The following PPP1R16B variants were observed in gnomAD, a reference collection of about 807,000 sequenced individuals.
The protein encoded by PPP1R16B is protein phosphatase 1 regulatory subunit 16B, also known as protein phosphatase 1 regulatory inhibitor subunit 16B.
PPP1R16B carries 14 observed loss-of-function variants against 61.7 expected under a neutral mutation model. The observed-to-expected ratio is 0.23, with a 90% confidence interval of 0.15 to 0.35. The LOEUF is 0.35. Among genes scored for constraint, PPP1R16B ranks in the 10% least tolerant of loss-of-function variants. The pLI is 1.00. For synonymous variants in PPP1R16B, 266 were observed against 305.3 expected (o/e 0.87, Z 1.34); for missense variants, 547 against 752.5 (o/e 0.73, Z 3.19).
At chr20:38,916,183 T>C (rs998365002) in intron 10 of PPP1R16B, among the ~76,000 whole-genome samples, 2 of 150,504 alleles carry the variant, frequency 1.3e-5, no homozygotes, top group South Asian at 4.2e-4. Context: ...CTGTGCAACA[T>C]AGTGAGGCCC....
intron 2 of PPP1R16B, among the ~76,000 whole-genome samples, chr20:38,885,036 C>CAAAAAAAAAAA (rs71330453): frequency 1.5e-5 from 1 of 67,820 alleles, no homozygotes; most frequent in Non-Finnish European, 2.6e-5. Flanking sequence ...AACTCTGTCT[C>CAAAAAAAAAAA]AAAAAAAAAA....
At chr20:38,898,440 T>G (rs1218365202) in intron 4 of PPP1R16B, among the ~76,000 whole-genome samples, 1 of 152,210 alleles carries the variant, frequency 6.6e-6, no homozygotes. Flanking sequence ...TTTGTTCTTC[T>G]TTTTCAGGGT....
At chr20:38,892,385 T>C (rs2085298990) in intron 3 of PPP1R16B, among the ~76,000 whole-genome samples, 2 of 152,134 alleles carry the variant, frequency 1.3e-5, no homozygotes, top group South Asian at 4.1e-4. Context: ...TTTAGCTGCA[T>C]GAAGCTCCTG....
chr20:38,902,651 C>T lies in PPP1R16B; in HGVS notation c.572-17C>T, dbSNP rs1568682252. The T allele has an allele frequency of 3.1e-6, 5 of 1,613,980 alleles. No individual in the cohort carries two copies. The South Asian group carries it at 5.5e-5, about 18-fold the overall frequency. On this transcript the variant is annotated splice_polypyrimidine_tract_variant and intron_variant, in intron 5 of 10. Transcript: ENST00000299824. ...AGGCCTGAGGGTGCTAAATAAATCC[C>T]CTCTTTCCCACTGCAGGCATCACCC...
intron 2 of PPP1R16B, among the ~76,000 whole-genome samples, chr20:38,867,914 C>A (rs965064537): frequency 6.6e-6 from 1 of 152,214 alleles, no homozygotes; most frequent in Non-Finnish European, 1.5e-5. Context: ...CTCAGGTGAT[C>A]CGCCCATCTT....
chr20:38,816,119 G>A (rs559638152), intron 1 of PPP1R16B, among the ~76,000 whole-genome samples: 39 of 152,290 alleles, frequency 2.6e-4, no homozygotes, highest in Admixed American at 1.4e-3. Context: ...TATCCTTAGT[G>A]GGGGCAGCAG....
At chr20:38,812,574 G>A (rs561581420) in intron 1 of PPP1R16B, among the ~76,000 whole-genome samples, 20 of 152,298 alleles carry the variant, frequency 1.3e-4, no homozygotes, top group Non-Finnish European at 2.1e-4. Flanking sequence ...AATTCTGTAC[G>A]AAAGAGGAGG....
chr20:38,890,596 A>T (rs184129991), intron 3 of PPP1R16B, among the ~76,000 whole-genome samples: 9 of 152,314 alleles, frequency 5.9e-5, no homozygotes, highest in African/African-American at 2.2e-4. Context: ...TTAGCCATTG[A>T]TGTCATCACT....
At chr20:38,850,835 G>A (rs1371200481) in intron 2 of PPP1R16B, among the ~76,000 whole-genome samples, 1 of 151,950 alleles carries the variant, frequency 6.6e-6, no homozygotes, top group Non-Finnish European at 1.5e-5. Flanking sequence ...AGGTGTGGTG[G>A]TGGGCACCTG....
In PPP1R16B at chr20:38,918,592, C is replaced by A. The variant is rs1161293308; in HGVS notation, c.1630C>A (p.Pro544Thr). 1.3e-6 allele frequency: 2 copies of A among 1,530,656 alleles called. No homozygotes were observed. The highest frequency in any genetic ancestry group is 1.3e-5 in the South Asian group (1 of 76,818). The allele number at this position is 1,530,656 out of a possible 1,614,324, so 94.8% of individuals were successfully genotyped here. A position where few individuals can be genotyped will look rare whatever the true frequency, so the allele number is the denominator to read the frequency against. ...ATATTACACGGTCACCAGCGGAGAT[C>A]CCCCACTCTTAAAGTTCAAGGCCCC... The part of the protein sequence containing the change: ...SVYYTVTSGD[P>T]PLLKFKAPIE... The change falls in exon 11 of 11, where the codon CCC (proline) becomes ACC (threonine). Residue 544 changes from proline to threonine, a missense_variant. Coordinates refer to ENST00000299824, the MANE Select transcript of PPP1R16B (RefSeq NM_015568.4). This position sits in a 1 kb window ranked among gnomAD's most constrained non-coding sequence, Gnocchi z 5.3.
chr20:38,816,849 G>T (rs2084738795), intron 1 of PPP1R16B, among the ~76,000 whole-genome samples: 1 of 152,194 alleles, frequency 6.6e-6, no homozygotes, highest in Non-Finnish European at 1.5e-5. Flanking sequence ...AAGGGCAGGG[G>T]CCAGGCGAGG....
chr20:38,836,596 G>C (rs1246556549), intron 2 of PPP1R16B, among the ~76,000 whole-genome samples: 1 of 152,192 alleles, frequency 6.6e-6, no homozygotes, highest in Non-Finnish European at 1.5e-5. Flanking sequence ...GAGCTCAAGT[G>C]ATCTGCCCGC....
intron 1 of PPP1R16B, among the ~76,000 whole-genome samples, chr20:38,823,840 A>T (rs2084787679): frequency 6.6e-6 from 1 of 151,932 alleles, no homozygotes; most frequent in Admixed American, 6.6e-5. Flanking sequence ...AGATATCCTT[A>T]CTCTGCATAG....
intron 2 of PPP1R16B, among the ~76,000 whole-genome samples, chr20:38,879,092 G>A (rs549925612): frequency 2.6e-5 from 4 of 152,320 alleles, no homozygotes; most frequent in African/African-American, 9.6e-5. Flanking sequence ...GTAAGGAGAG[G>A]TGCTGGGAGA....
intron 1 of PPP1R16B, among the ~76,000 whole-genome samples, chr20:38,809,204 T>A (rs1316592047): frequency 6.7e-6 from 1 of 149,516 alleles, no homozygotes; most frequent in African/African-American, 2.5e-5. Context: ...CTCTTCTGCC[T>A]GTAGCCATCA....
chr20:38,875,114 G>A (rs565554872), intron 2 of PPP1R16B, among the ~76,000 whole-genome samples: 1 of 152,114 alleles, frequency 6.6e-6, no homozygotes. Context: ...TCTATTGCTG[G>A]GAGCATCAGC....
chr20:38,871,247 A>G (rs1488444600), intron 2 of PPP1R16B, among the ~76,000 whole-genome samples: 1 of 152,162 alleles, frequency 6.6e-6, no homozygotes, highest in African/African-American at 2.4e-5. Flanking sequence ...CCCGTATGCA[A>G]GAAGAAAACT....
intron 2 of PPP1R16B, among the ~76,000 whole-genome samples, chr20:38,875,845 G>T (rs1194504618): frequency 6.6e-6 from 1 of 151,872 alleles, no homozygotes; most frequent in African/African-American, 2.4e-5. Context: ...AACTGGGCCC[G>T]ATCTGTCTGT....
chr20:38,826,597 A>G (rs2084806826), intron 1 of PPP1R16B, among the ~76,000 whole-genome samples: 1 of 152,234 alleles, frequency 6.6e-6, no homozygotes, highest in South Asian at 2.1e-4. Context: ...TCACCCTGAC[A>G]GGCAGAACCA....
Sources: allele counts gnomAD v4.1 joint callset (sites outside exome capture counted in the v4.1 genomes callset), GRCh38; gene constraint gnomAD v4.1.1; non-coding constraint Gnocchi (gnomAD v3.1); transcripts MANE v1.5; gene names NCBI Gene and HGNC (gene_info 2026-07-23, HGNC 2026-07-21).